ANAPC7: variants seen among roughly 807,000 people sequenced by gnomAD.
The protein encoded by ANAPC7 is anaphase-promoting complex subunit 7.
Under a neutral mutation model 63.3 loss-of-function variants are expected in ANAPC7, and 25 were observed. The ratio of observed to expected loss-of-function variants is 0.39; its 90% confidence interval spans 0.29 to 0.55. The LOEUF (loss-of-function observed/expected upper bound fraction) is 0.55. ANAPC7 is among the 20% of genes least tolerant of loss of function. ANAPC7 has a pLI of 0.57. For missense variants in ANAPC7, 516 were observed against 691.7 expected, an observed-to-expected ratio of 0.75 and a Z score of 2.85; for synonymous variants, 241 against 251.7, an observed-to-expected ratio of 0.96 and a Z score of 0.40.
At chr12:110,401,427 G>T (rs747048670) in intron 1 of ANAPC7, among the ~76,000 whole-genome samples, 1 of 152,158 alleles carries the variant, frequency 6.6e-6, no homozygotes, top group African/African-American at 2.4e-5. Flanking sequence ...TGGGTGATGC[G>T]AAGGGTAGAA....
At chr12:110,399,794 CAAAAA>C (rs60764482) in intron 1 of ANAPC7, among the ~76,000 whole-genome samples, 8 of 60,680 alleles carry the variant, frequency 1.3e-4, no homozygotes, top group Non-Finnish European at 2.1e-4. Context: ...CTGTCTCAGA[CAAAAA>C]AAAAAAAAAA....
chr12:110,386,386 T>G lies in ANAPC7; in HGVS notation c.758A>C (p.Asn253Thr), dbSNP rs755379887. 12 of 1,614,040 alleles carry G rather than the reference T, an allele frequency of 7.4e-6. No individual in the cohort carries two copies. Among genetic ancestry groups the G allele is most frequent in the Non-Finnish European group, 8.5e-6 (10 of 1,180,038 alleles). The change falls in exon 6 of 11, where the codon AAT becomes ACT. Residue 253 changes from asparagine (N) to threonine (T), a missense_variant. By Grantham distance (65) the Asn-to-Thr change is moderately conservative. Coordinates refer to ENST00000455511, the MANE Select transcript of ANAPC7 (RefSeq NM_016238.3). ...LADLYFRAGD[N>T]KNSVLKFEQA... ...TTCAAACTTGAGGACAGAGTTTTTA[T>G]TGTCTCCAGCTCTGAAGTACAGATC...
At chr12:110,397,472 T>C (rs1031280778) in intron 1 of ANAPC7, among the ~76,000 whole-genome samples, 2 of 148,170 alleles carry the variant, frequency 1.3e-5, no homozygotes, top group Non-Finnish European at 3.0e-5. Context: ...AGAATTGCTT[T>C]AACCTAGGAG....
intron 3 of ANAPC7, among the ~76,000 whole-genome samples, chr12:110,390,101 G>A (rs572810260): frequency 6.6e-6 from 1 of 151,364 alleles, no homozygotes; most frequent in Admixed American, 6.6e-5. Context: ...GGAGTTTCAC[G>A]CTTGTCACCC....
At chr12:110,386,006 G>C (rs1882416513) in intron 6 of ANAPC7, among the ~76,000 whole-genome samples, 1 of 151,970 alleles carries the variant, frequency 6.6e-6, no homozygotes, top group Admixed American at 6.6e-5. Context: ...ATGGTTTTAG[G>C]GATGCCATCC....
At chr12:110,393,658 G>A (rs1411181794) in intron 3 of ANAPC7, among the ~76,000 whole-genome samples, 1 of 151,850 alleles carries the variant, frequency 6.6e-6, no homozygotes, top group Admixed American at 6.6e-5. Context: ...ACCTGAAGTC[G>A]GGAGTTCAAG....
intron 1 of ANAPC7, among the ~76,000 whole-genome samples, chr12:110,398,516 T>C (rs79447402): frequency 0.015 from 2,276 of 152,340 alleles, 29 homozygotes; most frequent in Non-Finnish European, 0.024. Flanking sequence ...GTTTTAAAAC[T>C]GTTTAACCTT....
At chr12:110,401,539 C>T (rs773597810) in intron 1 of ANAPC7, among the ~76,000 whole-genome samples, 11 of 152,096 alleles carry the variant, frequency 7.2e-5, no homozygotes, top group Admixed American at 2.0e-4. Flanking sequence ...TGAGGACCGT[C>T]GCAGGAGGAA....
At position 110,374,176 on chromosome 12, in the gene ANAPC7, C is replaced by T; in HGVS notation, c.1666G>A (p.Ala556Thr). Residue 556 changes from alanine (A) to threonine (T), a missense_variant, in exon 11 of 11, where the codon GCT becomes ACT. By Grantham distance (58) the Ala-to-Thr change is moderately conservative. This residue lies in a region of ANAPC7 where 122 missense variants were observed against 212.0 expected (regional missense o/e 0.58). Coordinates refer to ENST00000455511, the MANE Select transcript of ANAPC7 (RefSeq NM_016238.3). ...ATGCCGAACCACTGCTCCTGGTCAG[C>T]CCACTGGGCCGCCTCACTGTCGCTG... ...EGSDSEAAQWADQEQWFGMQ is the reference protein window; with the variant it reads ...EGSDSEAAQWTDQEQWFGMQ The T allele has an allele frequency of 6.2e-7, 1 of 1,613,254 alleles. No individual in the cohort carries two copies.
intron 9 of ANAPC7, among the ~76,000 whole-genome samples, 199 bp downstream of exon 9, chr12:110,377,194 G>C (rs933692141): frequency 5.9e-5 from 9 of 151,674 alleles, no homozygotes; most frequent in African/African-American, 1.9e-4. Flanking sequence ...AATTATAGGT[G>C]GTTGGAACCA....
intron 9 of ANAPC7, among the ~76,000 whole-genome samples, chr12:110,377,075 T>C (rs1881355066): frequency 6.7e-6 from 1 of 148,828 alleles, no homozygotes; most frequent in South Asian, 2.1e-4. Context: ...AGGCGGAGGT[T>C]GCAGTGAGCT....
At chr12:110,381,341 T>C (rs1471344796) in intron 8 of ANAPC7, among the ~76,000 whole-genome samples, 1 of 151,678 alleles carries the variant, frequency 6.6e-6, no homozygotes, top group Non-Finnish European at 1.5e-5. Context: ...TTTGTTGTTG[T>C]TGTTGTTGTT....
Position 110,377,905 on chromosome 12 carries a change from T to C in ANAPC7, c.1133-288A>G, listed in dbSNP as rs73417362. ...ACCTGCAGCATGTGAGCACCCCATC[T>C]GACCACTGGAAGAATAAATGCGACA... On this transcript the variant is annotated intron_variant, in intron 8 of 10. Transcript: ENST00000455511. The C allele has an allele frequency of 4.1e-4, 402 of 992,356 alleles. 1 individual carries two copies. In the African/African-American group the frequency reaches 5.7e-3, roughly 14 times the overall value. The allele number at this position is 992,356 out of a possible 1,614,324, so 61.5% of individuals were successfully genotyped here.
At chr12:110,378,913 C>T (rs1004456350) in intron 8 of ANAPC7, 1 of 149,940 alleles carries the variant, frequency 6.7e-6, no homozygotes, top group Non-Finnish European at 1.5e-5. Context: ...GGCTGGAGGG[C>T]AGTGGTGACA....
intron 6 of ANAPC7, among the ~76,000 whole-genome samples, chr12:110,385,585 A>C (rs2137946432): frequency 6.6e-6 from 1 of 152,314 alleles, no homozygotes; most frequent in East Asian, 1.9e-4. Context: ...TAAGCACTTG[A>C]GGTGAGGGGA....
chr12:110,401,270 C>A (rs2062223711), intron 1 of ANAPC7, among the ~76,000 whole-genome samples: 3 of 152,128 alleles, frequency 2.0e-5, no homozygotes, highest in Non-Finnish European at 4.4e-5. Flanking sequence ...TCAGAGAAGA[C>A]CAGGTCCAGG....
intron 6 of ANAPC7, 60 bp from the exon 7 acceptor site, chr12:110,383,020 T>A: frequency 7.5e-7 from 1 of 1,340,734 alleles, no homozygotes; most frequent in Non-Finnish European, 1.1e-6. Flanking sequence ...GGGTCCCACA[T>A]ACAGGAGTAG....
intron 8 of ANAPC7, among the ~76,000 whole-genome samples, chr12:110,379,412 C>T (rs1309694559): frequency 2.0e-5 from 3 of 152,206 alleles, no homozygotes; most frequent in Non-Finnish European, 2.9e-5. Context: ...GCCTCACTGG[C>T]CAACTGGGAA....
chr12:110,399,142 T>C (rs1210164379), intron 1 of ANAPC7, among the ~76,000 whole-genome samples: 3 of 150,082 alleles, frequency 2.0e-5, no homozygotes, highest in African/African-American at 7.3e-5. Flanking sequence ...TGCCTCAGCC[T>C]CCCGAGTAGC....
Sources: allele counts gnomAD v4.1 joint callset (sites outside exome capture counted in the v4.1 genomes callset), GRCh38; gene constraint gnomAD v4.1.1; regional missense constraint gnomAD v4.1.1; transcripts MANE v1.5; gene names NCBI Gene and HGNC (gene_info 2026-07-23, HGNC 2026-07-21).